Variants in FMN1 observed in about 807,000 individuals in gnomAD.
The protein encoded by FMN1 is formin-1.
FMN1 carries 110 observed loss-of-function variants against 132.4 expected under a neutral mutation model. That is an observed-to-expected ratio of 0.83 (90% CI 0.71 to 0.97). The LOEUF is 0.97. Among genes scored for constraint, FMN1 ranks in the 50% least tolerant of loss-of-function variants. The pLI, the probability that FMN1 is intolerant of heterozygous loss-of-function variation, is 0.00. For missense variants in FMN1, 1,792 were observed against 1,705.3 expected (o/e 1.05, Z -0.90); for synonymous variants, 722 against 651.7 (o/e 1.11, Z -1.64).
At chr15:32,951,212 T>G (rs983210772) in intron 9 of FMN1, among the ~76,000 whole-genome samples, 1 of 152,198 alleles carries the variant, frequency 6.6e-6, no homozygotes, top group South Asian at 2.1e-4. Flanking sequence ...AAAGGTGATA[T>G]TATGTTACCT....
At position 33,193,274 on chromosome 15, in the gene FMN1, A is replaced by G. The variant is rs77353620; in HGVS notation, c.-197+635T>C. ...TCAGCTATACTGTTTTCCCTCCCAA[A>G]AAAGGGTTAATAAGTCTGTGATCCA... On this transcript the variant is annotated intron_variant, in intron 2 of 20. Coordinates refer to ENST00000616417, the MANE Select transcript of FMN1 (RefSeq NM_001277313.2). 5.3e-3 allele frequency among the ~76,000 whole-genome samples: 812 copies of G among 152,242 alleles called. 8 individuals are homozygous for G. The highest frequency in any genetic ancestry group is 0.019 in the African/African-American group (772 of 41,542).
intron 16 of FMN1, among the ~76,000 whole-genome samples, chr15:32,872,200 C>A (rs548030387): frequency 6.6e-6 from 1 of 152,274 alleles, no homozygotes; most frequent in African/African-American, 2.4e-5. Context: ...TAATTATGAG[C>A]ACACAAAATT....
At chr15:33,103,366 T>A (rs1201584405) in intron 4 of FMN1, among the ~76,000 whole-genome samples, 8 of 152,138 alleles carry the variant, frequency 5.3e-5, no homozygotes, top group Non-Finnish European at 1.0e-4. Context: ...TCTCACCTTC[T>A]GGAGTTACTA....
chr15:33,056,807 A>C (rs965077681), intron 6 of FMN1, among the ~76,000 whole-genome samples: 1 of 152,240 alleles, frequency 6.6e-6, no homozygotes, highest in Non-Finnish European at 1.5e-5. Context: ...GTAGCAACAT[A>C]TATGATTCTC....
intron 9 of FMN1, among the ~76,000 whole-genome samples, chr15:32,960,743 C>T (rs550378318): frequency 6.6e-6 from 1 of 151,982 alleles, no homozygotes; most frequent in African/African-American, 2.4e-5. Flanking sequence ...CGCCTGTAAT[C>T]CCAGCATTTT....
At chr15:32,984,705 T>C (rs1464530933) in intron 7 of FMN1, among the ~76,000 whole-genome samples, 1 of 152,154 alleles carries the variant, frequency 6.6e-6, no homozygotes, top group African/African-American at 2.4e-5. Context: ...GTGGTGGCCT[T>C]AGAGAAAAGC....
chr15:33,005,532 A>G (rs559591260), intron 7 of FMN1, among the ~76,000 whole-genome samples: 1 of 152,166 alleles, frequency 6.6e-6, no homozygotes, highest in South Asian at 2.1e-4. Context: ...TTAGTTTGAG[A>G]TATATAAGAT....
At chr15:32,917,829 G>A (rs572126085) in intron 10 of FMN1, among the ~76,000 whole-genome samples, 3 of 152,204 alleles carry the variant, frequency 2.0e-5, no homozygotes, top group Non-Finnish European at 4.4e-5. Flanking sequence ...AGGCTACAAA[G>A]AAACCAGGGT....
intron 3 of FMN1, among the ~76,000 whole-genome samples, chr15:33,158,519 T>G (rs1355852692): frequency 6.6e-6 from 1 of 151,962 alleles, no homozygotes; most frequent in Admixed American, 6.5e-5. Context: ...ACCACACTTG[T>G]GGTGCACATG....
In FMN1 at chr15:33,079,660, A is replaced by C. The variant is rs979962191; in HGVS notation, c.2043+9139T>G. On this transcript the variant is annotated intron_variant, in intron 5 of 20. Coordinates refer to ENST00000616417, the MANE Select transcript of FMN1 (RefSeq NM_001277313.2). ...CTGAGCTGTTAGCAGATTTGCCATT[A>C]TCTTTCAATTTGTAGAGAAGTGTGA... 2.0e-5 allele frequency among the ~76,000 whole-genome samples: 3 copies of C among 152,262 alleles called. No individual in the cohort carries two copies. The South Asian group carries it at 6.2e-4, about 31-fold the overall frequency.
chr15:33,127,695 G>A (rs923574695), intron 4 of FMN1, among the ~76,000 whole-genome samples: 1 of 152,176 alleles, frequency 6.6e-6, no homozygotes, highest in Non-Finnish European at 1.5e-5. Context: ...CTCTTTGGAC[G>A]TAAGCTATGC....
At chr15:33,044,273 G>T (rs1019092679) in intron 6 of FMN1, among the ~76,000 whole-genome samples, 2 of 152,192 alleles carry the variant, frequency 1.3e-5, no homozygotes, top group African/African-American at 4.8e-5. Flanking sequence ...AGGCAGACAG[G>T]TTCCTGGGTG....
chr15:32,840,765 T>C (rs2058728840), intron 17 of FMN1, among the ~76,000 whole-genome samples: 1 of 152,166 alleles, frequency 6.6e-6, no homozygotes, highest in Non-Finnish European at 1.5e-5. Context: ...CAGTGGGTCA[T>C]CATGCCCCAT....
chr15:33,061,940 T>C (rs979378245), intron 6 of FMN1, among the ~76,000 whole-genome samples: 1 of 152,098 alleles, frequency 6.6e-6, no homozygotes, highest in African/African-American at 2.4e-5. Context: ...CGTGAAAACA[T>C]TGGTAAACTT....
intron 6 of FMN1, among the ~76,000 whole-genome samples, chr15:33,032,126 T>C (rs892576740): frequency 6.6e-6 from 1 of 152,196 alleles, no homozygotes; most frequent in Non-Finnish European, 1.5e-5. Flanking sequence ...CTTTCTCTAA[T>C]CCATGGAGGT....
intron 6 of FMN1, among the ~76,000 whole-genome samples, chr15:33,021,827 A>C (rs2035430972): frequency 6.6e-6 from 1 of 152,202 alleles, no homozygotes; most frequent in African/African-American, 2.4e-5. Context: ...CCATGAATAT[A>C]TGGTCCCTAA....
chr15:32,968,630 G>C, intron 8 of FMN1, 84 bp downstream of exon 8: 1 of 1,580,396 alleles, frequency 6.3e-7, no homozygotes, highest in Admixed American at 1.8e-5. Flanking sequence ...ACACTATGGA[G>C]ATATTGACCC....
intron 4 of FMN1, among the ~76,000 whole-genome samples, chr15:33,113,844 A>G (rs1399045188): frequency 6.6e-6 from 1 of 152,176 alleles, no homozygotes; most frequent in Non-Finnish European, 1.5e-5. Flanking sequence ...ACTTCAAAAC[A>G]GAGCCTTCTT....
intron 16 of FMN1, among the ~76,000 whole-genome samples, chr15:32,873,330 T>C (rs2059560297): frequency 1.3e-5 from 2 of 152,194 alleles, no homozygotes; most frequent in South Asian, 2.1e-4. Flanking sequence ...TCAGAAACAG[T>C]TTAGAGTGGG....
Sources: allele counts gnomAD v4.1 joint callset (sites outside exome capture counted in the v4.1 genomes callset), GRCh38; gene constraint gnomAD v4.1.1; transcripts MANE v1.5; gene names NCBI Gene and HGNC (gene_info 2026-07-23, HGNC 2026-07-21).